The following SLC43A2 variants were observed in gnomAD, a reference collection of about 807,000 sequenced individuals.
SLC43A2 encodes the protein large neutral amino acids transporter small subunit 4.
A neutral mutation model predicts 63.2 loss-of-function variants in SLC43A2; 38 were observed. That is an observed-to-expected ratio of 0.60 (90% CI 0.46 to 0.79). The LOEUF is 0.79. Among genes scored for constraint, SLC43A2 ranks in the 30% least tolerant of loss-of-function variants. The pLI is 0.00. For synonymous variants in SLC43A2, 322 were observed against 331.0 expected, an observed-to-expected ratio of 0.97 and a Z score of 0.30; for missense variants, 644 against 756.2, an observed-to-expected ratio of 0.85 and a Z score of 1.74.
At chr17:1,591,885 G>T (rs914910398) in intron 6 of SLC43A2, among the ~76,000 whole-genome samples, 186 bp from the exon 7 acceptor site, 1 of 152,130 alleles carries the variant, frequency 6.6e-6, no homozygotes, top group Non-Finnish European at 1.5e-5. Flanking sequence ...TCCTCCCACC[G>T]TGCCTGCCCT....
chr17:1,575,292 G>A lies in SLC43A2; in HGVS notation c.*312C>T, dbSNP rs1279386652. 23 of 462,158 alleles carry A rather than the reference G, an allele frequency of 5.0e-5. No individual in the cohort carries two copies. Among genetic ancestry groups the A allele is most frequent in the East Asian group, 4.9e-4 (11 of 22,258 alleles). 28.6% of individuals were successfully genotyped at this position (462,158 alleles called of 1,614,324 possible). A position where few individuals can be genotyped will look rare whatever the true frequency, so the allele number is the denominator to read the frequency against. ...CAAGAGGCAGAATCCAGACACTGGC[G>A]GGAGAGCGCCTGCCTGCCGGGCGTT... On this transcript the variant is annotated 3_prime_UTR_variant, in exon 14 of 14. Coordinates refer to ENST00000301335, the MANE Select transcript of SLC43A2 (RefSeq NM_152346.3).
In SLC43A2 at chr17:1,578,334, A is replaced by G; in HGVS notation, c.1351-11T>C. 6.2e-7 allele frequency: 1 copy of G among 1,612,500 alleles called. No homozygotes were observed. Among genetic ancestry groups the G allele is most frequent in the Non-Finnish European group, 8.5e-7 (1 of 1,179,156 alleles). ...GATGAAGGAGAGGATCTGGGGGAGG[A>G]AAAGGCGACTGTGGGCATAAGGCCT... On this transcript the variant is annotated splice_polypyrimidine_tract_variant and intron_variant, in intron 11 of 13. Transcript: ENST00000301335. The surrounding 1 kb of genome is among the most constrained non-coding windows in gnomAD (Gnocchi z 6.5).
intron 5 of SLC43A2, among the ~76,000 whole-genome samples, chr17:1,601,489 G>A (rs1281041595): frequency 6.6e-6 from 1 of 152,044 alleles, no homozygotes; most frequent in Non-Finnish European, 1.5e-5. Context: ...CCAGTGCTGG[G>A]AGCCAAGGCC....
Position 1,576,589 on chromosome 17 carries a change from CCT to C in SLC43A2, c.1548+6_1548+7del. On this transcript the variant is annotated splice_donor_region_variant and intron_variant, in intron 13 of 13. Coordinates refer to ENST00000301335, the MANE Select transcript of SLC43A2 (RefSeq NM_152346.3). The stretch of plus-strand genomic sequence containing the variant: ...GCCCATGACCCACCATCCCCCGACC[CCT>C]CTTACCCACAGAGGGTCTCCCTGGA... The C allele has an allele frequency of 6.3e-7, 1 of 1,599,694 alleles. No individual in the cohort carries two copies. Among genetic ancestry groups the C allele is most frequent in the Non-Finnish European group, 8.5e-7 (1 of 1,177,354 alleles).
At chr17:1,626,056 T>G (rs1908634319) in intron 2 of SLC43A2, among the ~76,000 whole-genome samples, 1 of 151,044 alleles carries the variant, frequency 6.6e-6, no homozygotes, top group Non-Finnish European at 1.5e-5. Flanking sequence ...GAATCTGACC[T>G]TCCGACATCA....
intron 2 of SLC43A2, among the ~76,000 whole-genome samples, chr17:1,620,378 A>C (rs1250907742): frequency 6.6e-6 from 1 of 152,056 alleles, no homozygotes; most frequent in Non-Finnish European, 1.5e-5. Context: ...CAAACACACA[A>C]ACAAACAAAC....
chr17:1,604,080 G>C (rs573676779), intron 5 of SLC43A2, among the ~76,000 whole-genome samples: 1 of 152,086 alleles, frequency 6.6e-6, no homozygotes, highest in African/African-American at 2.4e-5. Flanking sequence ...TCACTCTGTC[G>C]CCAAGGCTAC....
intron 1 of SLC43A2, among the ~76,000 whole-genome samples, 155 bp downstream of exon 1, chr17:1,628,639 C>T (rs1908915073): frequency 6.6e-6 from 1 of 152,170 alleles, no homozygotes; most frequent in Non-Finnish European, 1.5e-5. Flanking sequence ...CGCCTCCATT[C>T]CCCAGCCCGC....
intron 11 of SLC43A2, among the ~76,000 whole-genome samples, chr17:1,582,005 C>T (rs1456834948): frequency 6.6e-6 from 1 of 151,708 alleles, no homozygotes; most frequent in Non-Finnish European, 1.5e-5. Context: ...CGGGGTTTCA[C>T]CATTTTGGAT....
chr17:1,590,849 GC>G lies in SLC43A2; in HGVS notation c.1030del (p.Ala344LeufsTer2). The G allele has an allele frequency of 6.4e-7, 1 of 1,556,104 alleles. No individual in the cohort carries two copies. Among genetic ancestry groups the G allele is most frequent in the South Asian group, 1.2e-5 (1 of 84,376 alleles). ...TQLRLIFYMG[A>X]MNNILKFLVS... is the part of the protein sequence containing the mutation. Reference sequence around the variant, plus strand: ...CAGGAACTTGAGGATGTTGTTCATAGCCCCCATGTAGAAGATGAGCCGCAGC... The same window carrying G: ...CAGGAACTTGAGGATGTTGTTCATAGCCCCATGTAGAAGATGAGCCGCAGC... On this transcript the variant is annotated frameshift_variant, in exon 9 of 14. Transcript: ENST00000301335. LOFTEE classifies it high-confidence loss of function.
At chr17:1,626,172 CTT>C (rs35737749) in intron 2 of SLC43A2, among the ~76,000 whole-genome samples, 24 of 134,506 alleles carry the variant, frequency 1.8e-4, no homozygotes, top group Admixed American at 2.3e-4. Flanking sequence ...TTTTTTTCTG[CTT>C]TTTTTTTTTT....
Position 1,583,363 on chromosome 17 carries a change from T to A in SLC43A2, c.1218-27A>T, listed in dbSNP as rs753090035. ...TGTGGAGACACAGAACGTGCAGGGG[T>A]GGGAGGGCTCCCCGGAGGAAGCCGG... On this transcript the variant is annotated intron_variant, in intron 10 of 13. Coordinates refer to ENST00000301335, the MANE Select transcript of SLC43A2 (RefSeq NM_152346.3). The surrounding 1 kb of genome is among the most constrained non-coding windows in gnomAD (Gnocchi z 5.5). 1.2e-6 allele frequency: 2 copies of A among 1,609,956 alleles called. No homozygotes were observed. Among genetic ancestry groups the A allele is most frequent in the East Asian group, 4.5e-5 (2 of 44,748 alleles).
At chr17:1,587,540 G>A (rs1567617681) in intron 9 of SLC43A2, among the ~76,000 whole-genome samples, 1 of 152,184 alleles carries the variant, frequency 6.6e-6, no homozygotes, top group Non-Finnish European at 1.5e-5. Flanking sequence ...TGGCCCCCCT[G>A]CCACAGAGGC....
intron 5 of SLC43A2, among the ~76,000 whole-genome samples, chr17:1,609,760 C>T (rs1232915342): frequency 1.3e-5 from 2 of 149,270 alleles, no homozygotes; most frequent in Non-Finnish European, 3.0e-5. Context: ...TCTCTAAGTA[C>T]TGACAGGAAA....
chr17:1,581,981 A>G (rs1024518943), intron 11 of SLC43A2, among the ~76,000 whole-genome samples: 1 of 151,440 alleles, frequency 6.6e-6, no homozygotes, highest in Non-Finnish European at 1.5e-5. Context: ...TAATTTTTGT[A>G]ATTTTAGTAG....
rs745830772 is a variant in SLC43A2, at chr17:1,614,967, G to A, written c.424+12C>T. ...CGGTCCCTGACAGAAGATGGAGGGA[G>A]AGGACACTCACCGTTTGGTTTACTT... On this transcript the variant is annotated intron_variant, in intron 4 of 13. Coordinates refer to ENST00000301335, the MANE Select transcript of SLC43A2 (RefSeq NM_152346.3). 1 of 1,613,782 alleles carries A rather than the reference G, an allele frequency of 6.2e-7. No individual in the cohort carries two copies. The highest frequency in any genetic ancestry group is 8.5e-7 in the Non-Finnish European group (1 of 1,179,850).
intron 5 of SLC43A2, chr17:1,604,994 C>T (rs931676685): frequency 1.8e-5 from 26 of 1,439,102 alleles, no homozygotes; most frequent in African/African-American, 1.0e-4. Context: ...CGAGGGCTGG[C>T]GGAGGGGAAG....
At chr17:1,597,013 C>G (rs934795950) in intron 5 of SLC43A2, among the ~76,000 whole-genome samples, 4 of 138,582 alleles carry the variant, frequency 2.9e-5, no homozygotes, top group African/African-American at 1.1e-4. Context: ...TCAGGAGTTC[C>G]AGACCAGCCT....
At chr17:1,586,114 C>T in intron 9 of SLC43A2, 63 bp from the exon 10 acceptor site, 2 of 1,509,662 alleles carry the variant, frequency 1.3e-6, no homozygotes, top group Non-Finnish European at 1.8e-6. Flanking sequence ...AGGGACTGGG[C>T]ACCAGCTGGG....
Sources: allele counts gnomAD v4.1 joint callset (sites outside exome capture counted in the v4.1 genomes callset), GRCh38; gene constraint gnomAD v4.1.1; non-coding constraint Gnocchi (gnomAD v3.1); transcripts MANE v1.5; gene names NCBI Gene and HGNC (gene_info 2026-07-23, HGNC 2026-07-21).